GRIP2: variants seen among roughly 807,000 people sequenced by gnomAD.
GRIP2 encodes glutamate receptor-interacting protein 2.
Under a neutral mutation model 108.3 loss-of-function variants are expected in GRIP2, and 58 were observed. The ratio of observed to expected loss-of-function variants is 0.54; its 90% CI spans 0.43 to 0.67. The LOEUF is 0.67. Among genes scored for constraint, GRIP2 ranks in the 30% least tolerant of loss-of-function variants. The pLI is 0.00. For missense variants in GRIP2, 1,278 were observed against 1,430.6 expected (o/e 0.89, Z 1.72); for synonymous variants, 586 against 598.2 (o/e 0.98, Z 0.30).
At chr3:14,530,758 C>T (rs1694689435) in intron 1 of GRIP2, among the ~76,000 whole-genome samples, 2 of 151,988 alleles carry the variant, frequency 1.3e-5, no homozygotes, top group Non-Finnish European at 2.9e-5. Flanking sequence ...GTGTATATAT[C>T]TATGGGGTAG....
At position 14,511,107 on chromosome 3, in the gene GRIP2, G is replaced by C; in HGVS notation, c.1933+58C>G. Reference sequence around the variant, plus strand: ...GAGGGAGCCCTGAATTGCAAGCTGGGAACCCGCTAGTCAAAGGGTGGGCCT... The same window carrying C: ...GAGGGAGCCCTGAATTGCAAGCTGGCAACCCGCTAGTCAAAGGGTGGGCCT... On this transcript the variant is annotated intron_variant, in intron 16 of 23. Coordinates refer to ENST00000621039, the MANE Select transcript of GRIP2 (RefSeq NM_001080423.4). This position sits in a 1 kb window ranked among gnomAD's most constrained non-coding sequence, Gnocchi z 4.1. 6.3e-7 allele frequency: 1 copy of C among 1,589,762 alleles called. No individual in the cohort carries two copies. Among genetic ancestry groups the C allele is most frequent in the Non-Finnish European group, 8.6e-7 (1 of 1,165,782 alleles).
chr3:14,514,202 GA>G, intron 12 of GRIP2, 89 bp downstream of exon 12: 1 of 1,196,042 alleles, frequency 8.4e-7, no homozygotes, highest in Non-Finnish European at 1.2e-6. Context: ...ATGGTTAAGT[GA>G]GATGCGCTTG....
At chr3:14,574,340 C>G in the GRIP2 span, 3 of 1,018,710 alleles carry the variant, frequency 2.9e-6, no homozygotes, top group Admixed American at 3.5e-5. Context: ...GTTTGCGCAC[C>G]GGCACAGCGA....
At chr3:14,598,041 G>A in the GRIP2 span, among the ~76,000 whole-genome samples, 2 of 152,196 alleles carry the variant, frequency 1.3e-5, no homozygotes, top group Non-Finnish European at 2.9e-5. Context: ...AGCAGGAAGT[G>A]CATTAGCTCC....
intron 9 of GRIP2, 21 bp from the exon 10 acceptor site, chr3:14,517,918 G>C: frequency 6.6e-7 from 1 of 1,525,254 alleles, no homozygotes; most frequent in South Asian, 1.3e-5. Context: ...CGGAGAAAGA[G>C]GAAAGAGAGG....
the GRIP2 span, chr3:14,573,777 A>G: frequency 6.5e-7 from 1 of 1,545,886 alleles, no homozygotes; most frequent in Non-Finnish European, 8.9e-7. Context: ...CTGGTGGCAG[A>G]CAGAGCCAAA....
chr3:14,559,416 G>A (rs1051756569), upstream of GRIP2, among the ~76,000 whole-genome samples: 1 of 146,858 alleles, frequency 6.8e-6, no homozygotes, highest in Non-Finnish European at 1.5e-5. Context: ...GTGAGCCAAG[G>A]TGTATGCTGA....
At chr3:14,601,536 A>T in the GRIP2 span, among the ~76,000 whole-genome samples, 1 of 152,210 alleles carries the variant, frequency 6.6e-6, no homozygotes, top group African/African-American at 2.4e-5. Flanking sequence ...AGGTCAGGCG[A>T]GGAGTGGAGG....
At chr3:14,520,724 A>C in intron 7 of GRIP2, 187 bp from the exon 8 acceptor site, 1 of 655,668 alleles carries the variant, frequency 1.5e-6, no homozygotes, top group East Asian at 2.8e-5. Flanking sequence ...AATTTGACAG[A>C]TAAGATAGCA....
In GRIP2 at chr3:14,521,871, T is replaced by G; in HGVS notation, c.567-84A>C. ...TGGGAGGGCGCTGGGAAGCGGGACA[T>G]GGAGGATGAAGAAGCAGGGAATGGG... On this transcript the variant is annotated intron_variant, in intron 6 of 23. Transcript: ENST00000621039. This position sits in a 1 kb window ranked among gnomAD's most constrained non-coding sequence, Gnocchi z 5.1. 2.1e-5 allele frequency: 26 copies of G among 1,229,342 alleles called. No homozygotes were observed. The highest frequency in any genetic ancestry group is 8.9e-5 in the South Asian group (5 of 56,208). 76.2% of individuals were successfully genotyped at this position (1,229,342 alleles called of 1,614,324 possible).
At chr3:14,544,476 C>T (rs1695027846), upstream of GRIP2, among the ~76,000 whole-genome samples, 1 of 152,184 alleles carries the variant, frequency 6.6e-6, no homozygotes, top group South Asian at 2.1e-4. Flanking sequence ...ACAGCGAGGG[C>T]CTGGACCCAG....
intron 7 of GRIP2, 65 bp from the exon 8 acceptor site, chr3:14,520,602 C>T: frequency 6.4e-7 from 1 of 1,550,834 alleles, no homozygotes; most frequent in Non-Finnish European, 8.9e-7. Flanking sequence ...CAGCCTCACC[C>T]TGCTATCCTG....
the GRIP2 span, chr3:14,574,208 C>T: frequency 3.5e-6 from 3 of 869,166 alleles, no homozygotes; most frequent in African/African-American, 1.6e-5. Context: ...TGAAGAAGGG[C>T]CTGTGGCTGT....
intron 21 of GRIP2, among the ~76,000 whole-genome samples, chr3:14,501,747 C>T (rs1470854463): frequency 1.3e-5 from 2 of 152,050 alleles, no homozygotes; most frequent in African/African-American, 4.8e-5. Flanking sequence ...TTTTTTATTA[C>T]TTATTTTGAT....
chr3:14,500,981 G>A (rs1003770485), intron 21 of GRIP2, among the ~76,000 whole-genome samples: 1 of 152,146 alleles, frequency 6.6e-6, no homozygotes, highest in South Asian at 2.1e-4. Flanking sequence ...ACCAAGTTCA[G>A]AAAATATATT....
At chr3:14,573,542 C>T in the GRIP2 span, 3 of 1,475,396 alleles carry the variant, frequency 2.0e-6, no homozygotes, top group South Asian at 1.1e-5. Flanking sequence ...AGAGCATGGC[C>T]TCCTCATGGA....
chr3:14,575,945 G>A, the GRIP2 span, among the ~76,000 whole-genome samples: 7 of 152,334 alleles, frequency 4.6e-5, no homozygotes, highest in East Asian at 3.9e-4. Context: ...GAGTCTGGAC[G>A]CCACCCCATC....
the GRIP2 span, among the ~76,000 whole-genome samples, chr3:14,592,506 C>T: frequency 1.2e-4 from 18 of 152,310 alleles, no homozygotes; most frequent in African/African-American, 3.4e-4. Flanking sequence ...CTGAAGAAAC[C>T]GGGCTCAGAG....
In GRIP2 at chr3:14,511,361, G is replaced by A; in HGVS notation, c.1788-51C>T. 9.3e-6 allele frequency: 15 copies of A among 1,613,922 alleles called. No individual in the cohort carries two copies. The South Asian group carries it at 1.6e-4, about 18-fold the overall frequency. ...TGGAAGGAGCCTGGTGCATGCAGGT[G>A]CCATACTCACTGCTGTTGGCCACTT... On this transcript the variant is annotated intron_variant, in intron 15 of 23. Coordinates refer to ENST00000621039, the MANE Select transcript of GRIP2 (RefSeq NM_001080423.4). This position sits in a 1 kb window ranked among gnomAD's most constrained non-coding sequence, Gnocchi z 4.1.
Sources: gnomAD v4.1 joint callset for allele counts (sites outside exome capture counted in the v4.1 genomes callset) on GRCh38, gnomAD v4.1.1 for gene constraint, Gnocchi (gnomAD v3.1) non-coding constraint, MANE v1.5 for transcripts, NCBI Gene and HGNC (gene_info 2026-07-23, HGNC 2026-07-21) for gene names.